The following RERG variants were observed in gnomAD, a reference collection of about 807,000 sequenced individuals.
The protein encoded by RERG is RAS like estrogen regulated growth inhibitor, also known as ras-related and estrogen-regulated growth inhibitor.
RERG carries 25 observed loss-of-function variants against 23.2 expected under a neutral mutation model. That is an observed-to-expected ratio of 1.08 (90% CI 0.79 to 1.50). The LOEUF is 1.50. Ranked by LOEUF, RERG falls within the 40% of genes most tolerant of loss-of-function variation. The pLI is 0.00. For missense variants in RERG, 253 were observed against 250.1 expected, an observed-to-expected ratio of 1.01 and a Z score of -0.08; for synonymous variants, 81 against 89.1, an observed-to-expected ratio of 0.91 and a Z score of 0.51.
At chr12:15,208,611 T>C (rs1323034274) in intron 2 of RERG, among the ~76,000 whole-genome samples, 1 of 152,148 alleles carries the variant, frequency 6.6e-6, no homozygotes, top group Admixed American at 6.5e-5. Flanking sequence ...TCCTGTACGA[T>C]ATGCAGGGAT....
At chr12:15,110,090 T>A (rs1442717928) in intron 4 of RERG, among the ~76,000 whole-genome samples, 2 of 152,190 alleles carry the variant, frequency 1.3e-5, no homozygotes, top group African/African-American at 4.8e-5. Context: ...TTTTTTTTTC[T>A]TTTCCTATCT....
intron 2 of RERG, among the ~76,000 whole-genome samples, chr12:15,214,611 C>T (rs1865415691): frequency 6.6e-6 from 1 of 152,168 alleles, no homozygotes; most frequent in African/African-American, 2.4e-5. Context: ...AATGATGAGG[C>T]AGAGACATCA....
intron 2 of RERG, among the ~76,000 whole-genome samples, chr12:15,184,704 G>A (rs1864967263): frequency 6.6e-6 from 1 of 152,170 alleles, no homozygotes; most frequent in African/African-American, 2.4e-5. Flanking sequence ...TCAGAGACGA[G>A]TTGTGAAACA....
At chr12:15,194,616 G>A (rs1233581300) in intron 2 of RERG, among the ~76,000 whole-genome samples, 4 of 151,826 alleles carry the variant, frequency 2.6e-5, no homozygotes, top group Non-Finnish European at 5.9e-5. Flanking sequence ...CCTTGGTGTT[G>A]CTTAAAATCT....
At chr12:15,161,487 C>A (rs1185502574) in intron 2 of RERG, among the ~76,000 whole-genome samples, 3 of 152,190 alleles carry the variant, frequency 2.0e-5, no homozygotes, top group Non-Finnish European at 2.9e-5. Flanking sequence ...TCCTTCTTCC[C>A]ATTTACATTT....
intron 3 of RERG, among the ~76,000 whole-genome samples, chr12:15,115,220 A>C (rs1163697105): frequency 1.3e-5 from 2 of 152,182 alleles, no homozygotes; most frequent in East Asian, 3.8e-4. Flanking sequence ...CAACTGTTCT[A>C]AACACTTATG....
Position 15,111,332 on chromosome 12 carries a change from C to T in RERG, c.192+12G>A, listed in dbSNP as rs377418892. On this transcript the variant is annotated intron_variant, in intron 4 of 4. Coordinates refer to ENST00000256953, the MANE Select transcript of RERG (RefSeq NM_032918.3). ...GATCCAGAAAAATATTTTAGCTGAA[C>T]TCTTTATTCACCTGACCAGCAGTGT... The T allele has an allele frequency of 1.6e-5, 26 of 1,584,516 alleles. No individual in the cohort carries two copies. The highest frequency in any genetic ancestry group is 5.2e-5 in the Admixed American group (3 of 57,874).
intron 2 of RERG, among the ~76,000 whole-genome samples, chr12:15,130,079 G>C (rs1423721350): frequency 3.9e-5 from 6 of 152,166 alleles, no homozygotes; most frequent in Admixed American, 3.9e-4. Context: ...ACATAATGTA[G>C]AGAATTGCCA....
chr12:15,115,739 T>G (rs1305041483), intron 3 of RERG, among the ~76,000 whole-genome samples: 1 of 152,134 alleles, frequency 6.6e-6, no homozygotes, highest in Non-Finnish European at 1.5e-5. Flanking sequence ...TGACTTTCAT[T>G]TCATCAACTA....
intron 2 of RERG, among the ~76,000 whole-genome samples, chr12:15,173,133 A>T (rs1049970591): frequency 6.6e-6 from 1 of 152,024 alleles, no homozygotes; most frequent in Non-Finnish European, 1.5e-5. Flanking sequence ...TCTATAATCC[A>T]TTTTGAGTTA....
chr12:15,195,977 G>T (rs1258910352), intron 2 of RERG, among the ~76,000 whole-genome samples: 1 of 152,128 alleles, frequency 6.6e-6, no homozygotes, highest in Non-Finnish European at 1.5e-5. Flanking sequence ...TAGGTGTCCA[G>T]CATAATGCTC....
intron 2 of RERG, among the ~76,000 whole-genome samples, chr12:15,165,341 CT>C (rs113939772): frequency 2.9e-4 from 43 of 149,524 alleles, no homozygotes; most frequent in East Asian, 5.8e-4. Context: ...TCTGCCAAGA[CT>C]TTTTTTTTTA....
chr12:15,131,659 TGCC>T (rs1293077683), intron 2 of RERG, among the ~76,000 whole-genome samples: 8 of 152,242 alleles, frequency 5.3e-5, no homozygotes, highest in African/African-American at 1.9e-4. Context: ...CAGAGGTTTA[TGCC>T]ATCTGGCATA....
intron 2 of RERG, among the ~76,000 whole-genome samples, chr12:15,202,089 AC>A (rs1865225129): frequency 6.6e-6 from 1 of 151,740 alleles, no homozygotes; most frequent in African/African-American, 2.4e-5. Flanking sequence ...GTCCTTTTAA[AC>A]ATTCTTTTTT....
chr12:15,167,329 G>A (rs1864709742), intron 2 of RERG, among the ~76,000 whole-genome samples: 2 of 152,168 alleles, frequency 1.3e-5, no homozygotes, highest in South Asian at 4.1e-4. Flanking sequence ...GCATCAGAAA[G>A]ACTCCACCCC....
intron 2 of RERG, among the ~76,000 whole-genome samples, chr12:15,169,924 G>A (rs1414911752): frequency 4.1e-5 from 4 of 97,480 alleles, no homozygotes; most frequent in South Asian, 3.7e-4. Context: ...CTAAAAATGT[G>A]TGTGTGTGTG....
chr12:15,159,620 G>A (rs1246518696), intron 2 of RERG, among the ~76,000 whole-genome samples: 2 of 152,094 alleles, frequency 1.3e-5, no homozygotes, highest in African/African-American at 4.8e-5. Flanking sequence ...TCAGGAGATC[G>A]AGACCATCCT....
At chr12:15,177,837 T>TTG (rs1044079962) in intron 2 of RERG, among the ~76,000 whole-genome samples, 1 of 141,718 alleles carries the variant, frequency 7.1e-6, no homozygotes, top group South Asian at 2.3e-4. Context: ...CTCCCTCTGT[T>TTG]TGTTTTTTTT....
intron 2 of RERG, among the ~76,000 whole-genome samples, chr12:15,176,335 C>T (rs1021963658): frequency 2.0e-5 from 3 of 152,084 alleles, no homozygotes; most frequent in Non-Finnish European, 4.4e-5. Context: ...TCTTTCAGCA[C>T]CTTCTTCATA....
Sources: allele counts gnomAD v4.1 joint callset (sites outside exome capture counted in the v4.1 genomes callset), GRCh38; gene constraint gnomAD v4.1.1; transcripts MANE v1.5; gene names NCBI Gene and HGNC (gene_info 2026-07-23, HGNC 2026-07-21).